CACNA2D1: variants seen among roughly 807,000 people sequenced by gnomAD.
CACNA2D1 encodes voltage-dependent calcium channel subunit alpha-2/delta-1.
CACNA2D1 carries 53 observed loss-of-function variants against 171.5 expected under a neutral mutation model. The observed-to-expected ratio is 0.31, with a 90% CI of 0.25 to 0.39. The LOEUF (loss-of-function observed/expected upper bound fraction) is 0.39, where lower values mean the gene tolerates loss of function less well. Ranked by LOEUF, CACNA2D1 falls within the 10% of genes least tolerant of loss-of-function variation. The pLI, the probability that CACNA2D1 is intolerant of heterozygous loss-of-function variation, is 1.00. For synonymous variants in CACNA2D1, 442 were observed against 443.1 expected, an observed-to-expected ratio of 1.00 and a Z score of 0.03; for missense variants, 903 against 1,299.8, an observed-to-expected ratio of 0.69 and a Z score of 4.69.
intron 6 of CACNA2D1, among the ~76,000 whole-genome samples, chr7:82,094,822 G>A (rs574288434): frequency 1.4e-5 from 2 of 138,582 alleles, no homozygotes; most frequent in Non-Finnish European, 3.1e-5. Flanking sequence ...AAGTCATGTC[G>A]GTTCTAATGC....
intron 6 of CACNA2D1, among the ~76,000 whole-genome samples, chr7:82,099,230 T>A (rs1812317101): frequency 6.6e-6 from 1 of 152,244 alleles, no homozygotes; most frequent in South Asian, 2.1e-4. Flanking sequence ...TCTGATCCAG[T>A]TGAAAATCTT....
At chr7:81,985,399 A>G (rs1427734202) in intron 21 of CACNA2D1, among the ~76,000 whole-genome samples, 1 of 151,846 alleles carries the variant, frequency 6.6e-6, no homozygotes, top group Non-Finnish European at 1.5e-5. Context: ...CAGGGTTTAC[A>G]CTATGTTGCC....
Position 82,012,206 on chromosome 7 carries a change from G to C in CACNA2D1, c.1310C>G (p.Ala437Gly). ...TTGGACTTGCTTAGCTTTGTCTCCT[G>C]CTAAAACCATTGGTCTTCCCAAAAC... ...LDVLGRPMVL[A>G]GDKAKQVQWT... The change falls in exon 15 of 39, where the codon GCA becomes GGA. Residue 437 changes from alanine (A) to glycine (G), a missense_variant. By Grantham distance (60) the Ala-to-Gly change is moderately conservative (BLOSUM62 0). Transcript: ENST00000356860. 1 of 1,603,874 alleles carries C rather than the reference G, an allele frequency of 6.2e-7. No individual in the cohort carries two copies.
intron 4 of CACNA2D1, among the ~76,000 whole-genome samples, chr7:82,138,426 G>GTTTTTTTTTTTTTTTTTTT (rs1159205363): frequency 2.0e-5 from 2 of 101,314 alleles, no homozygotes; most frequent in African/African-American, 3.8e-5. Context: ...TATAGCATTA[G>GTTTTTTTTTTTTTTTTTTT]TTTTGTTTTT....
chr7:82,299,266 G>T (rs998263321), intron 3 of CACNA2D1, among the ~76,000 whole-genome samples: 1 of 152,074 alleles, frequency 6.6e-6, no homozygotes, highest in Admixed American at 6.6e-5. Flanking sequence ...TAGGGAGAAA[G>T]TAGGTTAAAG....
chr7:82,009,986 CA>C (rs1799576581), intron 15 of CACNA2D1, among the ~76,000 whole-genome samples: 1 of 151,992 alleles, frequency 6.6e-6, no homozygotes, highest in Admixed American at 6.6e-5. Context: ...ACCAAGGTAT[CA>C]TTTTTTTGAT....
At chr7:82,336,063 A>C (rs1585548901) in intron 2 of CACNA2D1, among the ~76,000 whole-genome samples, 1 of 152,174 alleles carries the variant, frequency 6.6e-6, no homozygotes, top group Non-Finnish European at 1.5e-5. Context: ...TGGAGGGCTG[A>C]GATGAGAAGG....
chr7:82,325,318 T>C (rs1014261025), intron 3 of CACNA2D1, among the ~76,000 whole-genome samples: 1 of 152,200 alleles, frequency 6.6e-6, no homozygotes, highest in Non-Finnish European at 1.5e-5. Context: ...CTTCAGGTTA[T>C]GTCTGAATTT....
Position 81,969,925 on chromosome 7 carries a change from C to G in CACNA2D1, c.2264G>C (p.Ser755Thr), listed in dbSNP as rs151327713. 6.3e-4 allele frequency: 1,021 copies of G among 1,608,622 alleles called. 3 individuals carry two copies. Among genetic ancestry groups the G allele is most frequent in the Admixed American group, 7.0e-4 (42 of 59,684 alleles). Residue 755 changes from serine (S) to threonine (T), a missense_variant, in exon 28 of 39, where the codon AGC (serine) becomes ACC (threonine). By Grantham distance (58) the Ser-to-Thr change is moderately conservative. Transcript: ENST00000356860. ...GAAAACATAGTTATCATTATCTAGG[C>G]TCCTTTTATAGAAGCTGTCCTCATA... ...ETYEDSFYKR[S>T]LDNDNYVFTA...
chr7:82,054,691 G>T (rs1412370000), intron 10 of CACNA2D1, among the ~76,000 whole-genome samples: 2 of 152,002 alleles, frequency 1.3e-5, no homozygotes, highest in African/African-American at 4.8e-5. Context: ...CTTCAGAATG[G>T]GATTCCAGAA....
intron 1 of CACNA2D1, among the ~76,000 whole-genome samples, chr7:82,370,681 T>A (rs1469169567): frequency 1.3e-5 from 2 of 151,752 alleles, no homozygotes; most frequent in Non-Finnish European, 2.9e-5. Flanking sequence ...ATTTTCAAAG[T>A]GAAAAATACC....
At chr7:82,353,495 C>T (rs1413875534) in intron 1 of CACNA2D1, among the ~76,000 whole-genome samples, 1 of 152,036 alleles carries the variant, frequency 6.6e-6, no homozygotes, top group Non-Finnish European at 1.5e-5. Flanking sequence ...AAAGAGAAAT[C>T]TCCATAGAAA....
chr7:82,369,548 A>G lies in CACNA2D1; in HGVS notation c.96-19899T>C, dbSNP rs180677215. Among the ~76,000 whole-genome samples the G allele has an allele frequency of 8.5e-5, 13 of 152,152 alleles. No homozygotes were observed. In the East Asian group the frequency reaches 2.5e-3, roughly 29 times the overall value. ...GTGTATATTCATTACATCACAAGAAATTGTAAGAAGTTATTCTACTACTAA... is the reference window on the plus strand; with the variant it reads ...GTGTATATTCATTACATCACAAGAAGTTGTAAGAAGTTATTCTACTACTAA... On this transcript the variant is annotated intron_variant, in intron 1 of 38. Coordinates refer to ENST00000356860, the MANE Select transcript of CACNA2D1 (RefSeq NM_000722.4).
intron 1 of CACNA2D1, among the ~76,000 whole-genome samples, chr7:82,379,835 T>C (rs890266282): frequency 1.3e-5 from 2 of 152,188 alleles, no homozygotes; most frequent in Non-Finnish European, 2.9e-5. Flanking sequence ...TTGTCCTCTC[T>C]TCCTATATAT....
chr7:82,385,811 C>A (rs999440075), intron 1 of CACNA2D1, among the ~76,000 whole-genome samples: 4 of 152,056 alleles, frequency 2.6e-5, no homozygotes, highest in South Asian at 2.1e-4. Flanking sequence ...ATTACAGGAA[C>A]CTGCCACCAT....
intron 6 of CACNA2D1, among the ~76,000 whole-genome samples, chr7:82,089,821 G>GT (rs1810917690): frequency 6.6e-6 from 1 of 152,112 alleles, no homozygotes; most frequent in Non-Finnish European, 1.5e-5. Context: ...CCAATAAAAT[G>GT]TTGCACTATT....
intron 3 of CACNA2D1, among the ~76,000 whole-genome samples, chr7:82,199,591 G>A (rs960293721): frequency 6.6e-6 from 1 of 152,030 alleles, no homozygotes; most frequent in African/African-American, 2.4e-5. Flanking sequence ...CATTAGCAGA[G>A]AGAAATTAGA....
At chr7:82,279,368 T>G (rs1175339354) in intron 3 of CACNA2D1, among the ~76,000 whole-genome samples, 1 of 152,180 alleles carries the variant, frequency 6.6e-6, no homozygotes, top group Non-Finnish European at 1.5e-5. Flanking sequence ...ATAGCCCACT[T>G]CTGAACAGTT....
At chr7:82,291,616 T>C (rs1217816750) in intron 3 of CACNA2D1, among the ~76,000 whole-genome samples, 1 of 143,966 alleles carries the variant, frequency 6.9e-6, no homozygotes. Context: ...ATATATAAAA[T>C]CTATATTTTT....
Sources: allele counts gnomAD v4.1 joint callset (sites outside exome capture counted in the v4.1 genomes callset), GRCh38; gene constraint gnomAD v4.1.1; transcripts MANE v1.5; gene names NCBI Gene and HGNC (gene_info 2026-07-23, HGNC 2026-07-21).